Variants in DOCK10 observed in about 807,000 individuals in gnomAD.
DOCK10 encodes the protein dedicator of cytokinesis protein 10.
In DOCK10, 145 loss-of-function variants were observed where a neutral mutation model predicts 280.1. The ratio of observed to expected loss-of-function variants is 0.52; its 90% confidence interval spans 0.45 to 0.59. The LOEUF is 0.59. DOCK10 is among the 20% of genes least tolerant of loss of function. The pLI, the probability that DOCK10 is intolerant of heterozygous loss-of-function variation, is 0.00. For synonymous variants in DOCK10, 915 were observed against 942.2 expected (o/e 0.97, Z 0.53); for missense variants, 2,368 against 2,651.7 (o/e 0.89, Z 2.35).
intron 26 of DOCK10, among the ~76,000 whole-genome samples, chr2:224,833,676 T>C (rs961865430): frequency 1.3e-5 from 2 of 152,028 alleles, no homozygotes; most frequent in Non-Finnish European, 2.9e-5. Flanking sequence ...TCTCTCTCTC[T>C]GGTCTTGTTG....
intron 47 of DOCK10, among the ~76,000 whole-genome samples, chr2:224,790,642 A>G (rs1358729688): frequency 6.6e-6 from 1 of 152,044 alleles, no homozygotes; most frequent in East Asian, 1.9e-4. Flanking sequence ...TTTTATAATA[A>G]TATTAAACAT....
In DOCK10 at chr2:224,852,413, G is replaced by T. The variant is rs1190540329; in HGVS notation, c.2106C>A (p.Phe702Leu). The T allele has an allele frequency of 1.9e-6, 3 of 1,570,872 alleles. No individual in the cohort carries two copies. Among genetic ancestry groups the T allele is most frequent in the South Asian group, 2.3e-5 (2 of 85,280 alleles). The change falls in exon 18 of 56, where the codon TTC becomes TTA. Residue 702 changes from phenylalanine (F) to leucine (L), a missense_variant. Physicochemically the swap from Phe to Leu is conservative, Grantham distance 22. This residue lies in a region of DOCK10 where 1,209 missense variants were observed against 1,250.9 expected (regional missense o/e 0.97). Transcript: ENST00000258390. ...TGGCACTTTCTTCATCTGAATTTTT[G>T]AATTCAATGCACACAGTTATATTCC... Reference protein sequence around the residue: ...KARNITVCIEFKNSDEESAKP... With the variant: ...KARNITVCIELKNSDEESAKP...
intron 1 of DOCK10, among the ~76,000 whole-genome samples, chr2:225,025,234 G>A (rs1022106523): frequency 6.6e-6 from 1 of 152,178 alleles, no homozygotes; most frequent in Admixed American, 6.5e-5. Flanking sequence ...CTGTAGGCAG[G>A]AGAAAGACCA....
intron 30 of DOCK10, among the ~76,000 whole-genome samples, chr2:224,815,863 T>C (rs990159362): frequency 1.3e-5 from 2 of 151,904 alleles, no homozygotes; most frequent in African/African-American, 2.4e-5. Context: ...TGGTGAAACC[T>C]CTTCTCTACT....
chr2:224,795,473 A>G (rs1173312219), intron 44 of DOCK10, among the ~76,000 whole-genome samples: 1 of 152,206 alleles, frequency 6.6e-6, no homozygotes, highest in East Asian at 1.9e-4. Context: ...CCTCCAAGCT[A>G]CAGTGATTGG....
chr2:224,821,516 T>C (rs1484937291), intron 28 of DOCK10, among the ~76,000 whole-genome samples: 1 of 152,160 alleles, frequency 6.6e-6, no homozygotes, highest in Non-Finnish European at 1.5e-5. Flanking sequence ...ATCACTTTCT[T>C]TTCCTTTCTT....
At chr2:224,777,437 G>T (rs1469407874) in intron 51 of DOCK10, among the ~76,000 whole-genome samples, 1 of 152,198 alleles carries the variant, frequency 6.6e-6, no homozygotes, top group Non-Finnish European at 1.5e-5. Context: ...GCAGAGGAAT[G>T]TGGAAGGATT....
At chr2:224,795,259 G>T in intron 44 of DOCK10, 165 bp from the exon 45 acceptor site, 1 of 620,918 alleles carries the variant, frequency 1.6e-6, no homozygotes, top group Non-Finnish European at 2.8e-6. Flanking sequence ...TTGTGACTGT[G>T]GATACACACA....
intron 2 of DOCK10, among the ~76,000 whole-genome samples, chr2:224,929,078 G>A (rs558217660): frequency 8.7e-4 from 133 of 152,288 alleles, no homozygotes; most frequent in Non-Finnish European, 1.6e-3. Flanking sequence ...CGCCTTCTTA[G>A]AGAGGCTTGT....
intron 2 of DOCK10, among the ~76,000 whole-genome samples, chr2:224,923,343 C>G (rs1701873452): frequency 6.6e-6 from 1 of 152,174 alleles, no homozygotes; most frequent in African/African-American, 2.4e-5. Context: ...AACTACTGAG[C>G]CAGTCATTTC....
rs1407136549 is a variant in DOCK10 at position 224,768,684 on chromosome 2, G to A, written c.6444+1527C>T. Among the ~76,000 whole-genome samples, 4 of 152,228 alleles carry A rather than the reference G, an allele frequency of 2.6e-5. No individual in the cohort carries two copies. The East Asian group carries it at 7.7e-4, about 29-fold the overall frequency. ...TTTAAAAGCTGTGTTGTTAACTTCA[G>A]TTTAAATCATGAGGCTTTTCCCCCC... On this transcript the variant is annotated intron_variant, in intron 55 of 55. Transcript: ENST00000258390.
At chr2:224,821,689 G>A (rs1379892447) in intron 28 of DOCK10, among the ~76,000 whole-genome samples, 3 of 152,032 alleles carry the variant, frequency 2.0e-5, no homozygotes, top group African/African-American at 4.8e-5. Context: ...ATTTTTTGCA[G>A]TTTAGGGAAG....
At chr2:225,024,191 C>G (rs1311505961) in intron 1 of DOCK10, among the ~76,000 whole-genome samples, 2 of 152,106 alleles carry the variant, frequency 1.3e-5, no homozygotes, top group Non-Finnish European at 1.5e-5. Flanking sequence ...GATAGCACAT[C>G]TAAATGAAAT....
chr2:224,845,438 A>C (rs1180476212), intron 20 of DOCK10, 81 bp downstream of exon 20: 16 of 1,551,878 alleles, frequency 1.0e-5, no homozygotes, highest in Non-Finnish European at 1.4e-5. Flanking sequence ...TAATTCAATA[A>C]ATCAGGGCTT....
At chr2:224,813,221 A>T (rs1042454161) in intron 31 of DOCK10, among the ~76,000 whole-genome samples, 3 of 152,176 alleles carry the variant, frequency 2.0e-5, no homozygotes, top group African/African-American at 7.2e-5. Flanking sequence ...TTTGAGACAG[A>T]GTCTCACTGT....
chr2:224,864,461 G>A (rs1697732937), intron 13 of DOCK10, 92 bp downstream of exon 13: 5 of 1,252,028 alleles, frequency 4.0e-6, no homozygotes, highest in South Asian at 3.3e-5. Context: ...AGTGAGCTGC[G>A]ATTGTGCCAC....
chr2:224,808,562 G>A (rs1430195665), intron 31 of DOCK10, among the ~76,000 whole-genome samples: 1 of 152,108 alleles, frequency 6.6e-6, no homozygotes, highest in Non-Finnish European at 1.5e-5. Context: ...AAGCGCAGGT[G>A]TGGAAGGGAG....
rs945828638 is a variant in DOCK10 at position 224,840,152 on chromosome 2, T to C, written c.2662-80A>G. 14 of 645,674 alleles carry C rather than the reference T, an allele frequency of 2.2e-5. No individual in the cohort carries two copies. In the African/African-American group the frequency reaches 2.2e-4, roughly 10 times the overall value. The allele number at this position is 645,674 out of a possible 1,614,324, so 40.0% of individuals were successfully genotyped here. Reference sequence around the variant, plus strand: ...CATTCAAGACCTGAAACTATAAATCTATGAGAAGAAAACATAAGGAGAAAA... The same window carrying C: ...CATTCAAGACCTGAAACTATAAATCCATGAGAAGAAAACATAAGGAGAAAA... On this transcript the variant is annotated intron_variant, in intron 23 of 55. Transcript: ENST00000258390.
intron 1 of DOCK10, among the ~76,000 whole-genome samples, chr2:225,036,082 T>C (rs1385662807): frequency 6.6e-6 from 1 of 152,168 alleles, no homozygotes; most frequent in African/African-American, 2.4e-5. Context: ...TATTTAAAAA[T>C]TCTCTGTAGG....
Sources: gnomAD v4.1 joint callset for allele counts (sites outside exome capture counted in the v4.1 genomes callset) on GRCh38, gnomAD v4.1.1 for gene constraint, gnomAD v4.1.1 regional missense constraint, MANE v1.5 for transcripts, NCBI Gene and HGNC (gene_info 2026-07-23, HGNC 2026-07-21) for gene names.